ZSWIM5: variants seen among roughly 807,000 people sequenced by gnomAD.
ZSWIM5 encodes zinc finger SWIM domain-containing protein 5.
ZSWIM5 carries 55 observed loss-of-function variants against 119.6 expected under a neutral mutation model. That is an observed-to-expected ratio of 0.46 (90% CI 0.37 to 0.58). The LOEUF (loss-of-function observed/expected upper bound fraction) is 0.58, where lower values mean the gene tolerates loss of function less well. ZSWIM5 is among the 20% of genes least tolerant of loss of function. ZSWIM5 has a pLI of 0.00. For synonymous variants in ZSWIM5, 537 were observed against 606.9 expected (o/e 0.88, Z 1.69); for missense variants, 1,193 against 1,512.8 (o/e 0.79, Z 3.51).
rs1027394478 is a variant in ZSWIM5 at position 45,206,459 on chromosome 1, G to A, written c.-109C>T. ...CAAGCGCCCAGCGGTGGCGCCGAGG[G>A]GGGCGGGGCGAGAGAACCCGCGAGC... On this transcript the variant is annotated 5_prime_UTR_variant, in exon 1 of 14. Transcript: ENST00000359600. 3.3e-6 allele frequency: 4 copies of A among 1,211,796 alleles called. No homozygotes were observed. Among genetic ancestry groups the A allele is most frequent in the South Asian group, 8.4e-5 (2 of 23,752 alleles). 75.1% of individuals were successfully genotyped at this position (1,211,796 alleles called of 1,614,324 possible).
intron 5 of ZSWIM5, among the ~76,000 whole-genome samples, chr1:45,044,949 C>T (rs1440310402): frequency 7.1e-5 from 10 of 141,822 alleles, no homozygotes; most frequent in African/African-American, 2.4e-4. Flanking sequence ...CACAGTGAGC[C>T]GAGATCATGC....
rs546291310 is a variant in ZSWIM5 at position 45,183,045 on chromosome 1, T to G, written c.595+22711A>C. On this transcript the variant is annotated intron_variant, in intron 1 of 13. Coordinates refer to ENST00000359600, the MANE Select transcript of ZSWIM5 (RefSeq NM_020883.2). The stretch of plus-strand genomic sequence containing the variant: ...TAAAAGAACAGAAATTATAACAAAC[T>G]GTCTCTCAGACCACAGTGCAATCAA... 4.5e-3 allele frequency among the ~76,000 whole-genome samples: 685 copies of G among 151,954 alleles called. 2 individuals carry two copies. Among genetic ancestry groups the G allele is most frequent in the Admixed American group, 7.0e-3 (107 of 15,264 alleles).
intron 1 of ZSWIM5, among the ~76,000 whole-genome samples, chr1:45,204,134 TA>T (rs1294746470): frequency 6.6e-6 from 1 of 152,146 alleles, no homozygotes; most frequent in Non-Finnish European, 1.5e-5. Context: ...GACACCTCTT[TA>T]AAACTCTTCC....
At chr1:45,026,702 T>C (rs1042353938) in intron 11 of ZSWIM5, among the ~76,000 whole-genome samples, 9 of 152,192 alleles carry the variant, frequency 5.9e-5, no homozygotes, top group Non-Finnish European at 1.3e-4. Flanking sequence ...TGTCTTTATC[T>C]AGTTTTGGTT....
At chr1:45,127,235 T>C (rs1038991739) in intron 1 of ZSWIM5, among the ~76,000 whole-genome samples, 1 of 152,246 alleles carries the variant, frequency 6.6e-6, no homozygotes, top group African/African-American at 2.4e-5. Flanking sequence ...ATGCGCTCCA[T>C]CATATTAACA....
chr1:45,184,240 G>A (rs1646042325), intron 1 of ZSWIM5, among the ~76,000 whole-genome samples: 2 of 151,978 alleles, frequency 1.3e-5, no homozygotes, highest in African/African-American at 4.8e-5. Flanking sequence ...GTATTGATGG[G>A]ATGTATCTCA....
chr1:45,021,196 C>A (rs1395962299), intron 11 of ZSWIM5, among the ~76,000 whole-genome samples: 1 of 152,140 alleles, frequency 6.6e-6, no homozygotes, highest in Non-Finnish European at 1.5e-5. Context: ...CCACCACGCC[C>A]GGTTAATTTT....
chr1:45,057,166 T>C lies in ZSWIM5; in HGVS notation c.1252+1443A>G, dbSNP rs1337488757. On this transcript the variant is annotated intron_variant, in intron 4 of 13. Transcript: ENST00000359600. This position sits in a 1 kb window ranked among gnomAD's most constrained non-coding sequence, Gnocchi z 4.7. ...GCATCAGCATCCCCTGGGAATTTGT[T>C]TGAAATGCAAATTCTCAGGCTCCAC... Among the ~76,000 whole-genome samples, 7 of 152,322 alleles carry C rather than the reference T, an allele frequency of 4.6e-5. No individual in the cohort carries two copies. Among genetic ancestry groups the C allele is most frequent in the Admixed American group, 2.0e-4 (3 of 15,294 alleles).
Position 45,121,370 on chromosome 1 carries a change from C to T in ZSWIM5, c.596-33133G>A, listed in dbSNP as rs576400515. ...TAGGCTCTTATTCCTCTGCCTATCA[C>T]TTTAATGTTCCTCAGGATTCTGTCT... is the stretch of plus-strand genomic sequence containing the variant. On this transcript the variant is annotated intron_variant, in intron 1 of 13. Transcript: ENST00000359600. Among the ~76,000 whole-genome samples, 13 of 152,328 alleles carry T rather than the reference C, an allele frequency of 8.5e-5. No individual in the cohort carries two copies. In the East Asian group the frequency reaches 2.5e-3, roughly 29 times the overall value.
intron 1 of ZSWIM5, among the ~76,000 whole-genome samples, chr1:45,136,343 T>C (rs1322183512): frequency 6.6e-6 from 1 of 152,208 alleles, no homozygotes; most frequent in Admixed American, 6.5e-5. Context: ...TAATTTATCA[T>C]GGTTACAAAA....
chr1:45,173,232 T>C (rs1487414332), intron 1 of ZSWIM5, among the ~76,000 whole-genome samples: 1 of 152,142 alleles, frequency 6.6e-6, no homozygotes, highest in Non-Finnish European at 1.5e-5. Flanking sequence ...TTTGCATGAA[T>C]ACATAATAGG....
At chr1:45,112,082 CA>C (rs1645522019) in intron 1 of ZSWIM5, among the ~76,000 whole-genome samples, 1 of 152,176 alleles carries the variant, frequency 6.6e-6, no homozygotes, top group African/African-American at 2.4e-5. Context: ...TAAGTTTTGA[CA>C]CATGTATGCA....
chr1:45,082,141 A>G (rs1645296952), intron 2 of ZSWIM5, among the ~76,000 whole-genome samples: 2 of 145,348 alleles, frequency 1.4e-5, no homozygotes, highest in Non-Finnish European at 3.0e-5. Context: ...ATGCTCATTA[A>G]GAGTCATCAC....
chr1:45,079,028 A>G (rs375754760), intron 2 of ZSWIM5, among the ~76,000 whole-genome samples: 1 of 152,166 alleles, frequency 6.6e-6, no homozygotes, highest in East Asian at 1.9e-4. Context: ...GCCTTAACTG[A>G]TGACATTCCA....
intron 2 of ZSWIM5, among the ~76,000 whole-genome samples, chr1:45,068,125 T>C (rs1193438913): frequency 7.1e-5 from 8 of 112,616 alleles, no homozygotes; most frequent in Non-Finnish European, 1.2e-4. Flanking sequence ...TTTTTTGAGA[T>C]GGAGTCTTAC....
intron 11 of ZSWIM5, among the ~76,000 whole-genome samples, chr1:45,025,956 T>C (rs1268856651): frequency 6.6e-6 from 1 of 152,198 alleles, no homozygotes; most frequent in Non-Finnish European, 1.5e-5. Context: ...TGAATAAAAG[T>C]GGCAAGAGGG....
At chr1:45,099,951 G>A (rs1557765530) in intron 1 of ZSWIM5, among the ~76,000 whole-genome samples, 3 of 152,142 alleles carry the variant, frequency 2.0e-5, no homozygotes, top group African/African-American at 4.8e-5. Context: ...ATACTGAATG[G>A]GCAAAAACTG....
Position 45,038,931 on chromosome 1 carries a change from T to C in ZSWIM5, c.1894+5A>G. The C allele has an allele frequency of 2.5e-6, 4 of 1,613,148 alleles. No individual in the cohort carries two copies. Among genetic ancestry groups the C allele is most frequent in the Non-Finnish European group, 3.4e-6 (4 of 1,179,928 alleles). ...TCTTGGTTTGCCTCAGGCTGACCCCTGTACCTGACATCTCCAGATAGCCAT... is the reference window on the plus strand; with the variant it reads ...TCTTGGTTTGCCTCAGGCTGACCCCCGTACCTGACATCTCCAGATAGCCAT... On this transcript the variant is annotated splice_donor_5th_base_variant and intron_variant, in intron 8 of 13. Coordinates refer to ENST00000359600, the MANE Select transcript of ZSWIM5 (RefSeq NM_020883.2).
At chr1:45,121,347 G>A (rs1645590843) in intron 1 of ZSWIM5, among the ~76,000 whole-genome samples, 1 of 152,076 alleles carries the variant, frequency 6.6e-6, no homozygotes, top group Non-Finnish European at 1.5e-5. Flanking sequence ...CCTCTCTGTA[G>A]GCTCTTATTC....
Sources: allele counts gnomAD v4.1 joint callset (sites outside exome capture counted in the v4.1 genomes callset), GRCh38; gene constraint gnomAD v4.1.1; non-coding constraint Gnocchi (gnomAD v3.1); transcripts MANE v1.5; gene names NCBI Gene and HGNC (gene_info 2026-07-23, HGNC 2026-07-21).